The following ARHGAP31 variants were observed in gnomAD, a reference collection of about 807,000 sequenced individuals.
ARHGAP31 encodes Rho GTPase activating protein 31.
Under a neutral mutation model 113.9 loss-of-function variants are expected in ARHGAP31, and 34 were observed. The observed-to-expected ratio is 0.30, with a 90% confidence interval of 0.23 to 0.40. The LOEUF (loss-of-function observed/expected upper bound fraction) is 0.40. Ranked by LOEUF, ARHGAP31 falls within the 10% of genes least tolerant of loss-of-function variation. The pLI is 1.00. For synonymous variants in ARHGAP31, 650 were observed against 684.8 expected, an observed-to-expected ratio of 0.95 and a Z score of 0.79; for missense variants, 1,548 against 1,767.1, an observed-to-expected ratio of 0.88 and a Z score of 2.22.
chr3:119,301,644 G>T (rs1049441574), intron 1 of ARHGAP31, among the ~76,000 whole-genome samples: 9 of 151,460 alleles, frequency 5.9e-5, no homozygotes, highest in Non-Finnish European at 1.2e-4. Context: ...GATGGGGACT[G>T]TTTTTTTTTA....
chr3:119,333,157 C>T (rs1038265951), intron 1 of ARHGAP31, among the ~76,000 whole-genome samples: 16 of 152,184 alleles, frequency 1.1e-4, no homozygotes, highest in African/African-American at 3.9e-4. Context: ...TGGACCCAAA[C>T]AGCCCAACCC....
intron 1 of ARHGAP31, among the ~76,000 whole-genome samples, chr3:119,308,714 G>A (rs1463634121): frequency 6.6e-6 from 1 of 152,202 alleles, no homozygotes; most frequent in Non-Finnish European, 1.5e-5. Context: ...ATTATGGCAT[G>A]GACATCTTTG....
chr3:119,310,938 A>G (rs1338655020), intron 1 of ARHGAP31, among the ~76,000 whole-genome samples: 1 of 152,226 alleles, frequency 6.6e-6, no homozygotes, highest in African/African-American at 2.4e-5. Flanking sequence ...GGGAAAAGAC[A>G]GCTTTGAAGG....
chr3:119,302,101 T>C (rs573080843), intron 1 of ARHGAP31, among the ~76,000 whole-genome samples: 2 of 152,362 alleles, frequency 1.3e-5, no homozygotes, highest in South Asian at 4.1e-4. Flanking sequence ...TATGGGTCCA[T>C]GTCCTACCCA....
chr3:119,325,871 G>A (rs1009853707), intron 1 of ARHGAP31, among the ~76,000 whole-genome samples: 1 of 152,176 alleles, frequency 6.6e-6, no homozygotes, highest in Non-Finnish European at 1.5e-5. Context: ...AATCTCTGAA[G>A]GTGGAACTAG....
intron 1 of ARHGAP31, among the ~76,000 whole-genome samples, chr3:119,326,058 G>A (rs889356687): frequency 6.6e-6 from 1 of 152,132 alleles, no homozygotes; most frequent in African/African-American, 2.4e-5. Context: ...CGGGCGTGGT[G>A]GTGGGCGCCT....
intron 7 of ARHGAP31, 28 bp from the exon 8 acceptor site, chr3:119,393,439 C>T (rs1303818053): frequency 3.1e-6 from 5 of 1,613,716 alleles, no homozygotes; most frequent in South Asian, 1.1e-5. Flanking sequence ...AGTTAACAAA[C>T]TAACCCCTTA....
intron 1 of ARHGAP31, among the ~76,000 whole-genome samples, chr3:119,336,161 G>A (rs1236514086): frequency 6.6e-6 from 1 of 152,206 alleles, no homozygotes; most frequent in Non-Finnish European, 1.5e-5. Flanking sequence ...GGTGACAAGA[G>A]TGAAACTTGG....
At position 119,294,750 on chromosome 3, in the gene ARHGAP31, C is replaced by G; in HGVS notation, c.-155C>G. 1 of 723,528 alleles carries G rather than the reference C, an allele frequency of 1.4e-6. No individual in the cohort carries two copies. The highest frequency in any genetic ancestry group is 2.2e-5 in the Admixed American group (1 of 46,352). The allele number at this position is 723,528 out of a possible 1,614,324, so 44.8% of individuals were successfully genotyped here. A position where few individuals can be genotyped will look rare whatever the true frequency, so the allele number is the denominator to read the frequency against. ...TCTGCCGGCCCGCGGCCCGCGGGGT[C>G]CATGCGCAGGGCCCCCAGCCCAAGT... On this transcript the variant is annotated 5_prime_UTR_variant, in exon 1 of 12. Coordinates refer to ENST00000264245, the MANE Select transcript of ARHGAP31 (RefSeq NM_020754.4).
chr3:119,365,681 T>C (rs1262068964), intron 2 of ARHGAP31, among the ~76,000 whole-genome samples: 1 of 152,246 alleles, frequency 6.6e-6, no homozygotes, highest in East Asian at 1.9e-4. Context: ...TATTCTTCTT[T>C]GGTGAATTTG....
At chr3:119,340,362 T>C (rs1262458001) in intron 1 of ARHGAP31, among the ~76,000 whole-genome samples, 1 of 152,192 alleles carries the variant, frequency 6.6e-6, no homozygotes. Context: ...CTTGTTCCCT[T>C]CTCGTTTTGT....
intron 1 of ARHGAP31, among the ~76,000 whole-genome samples, chr3:119,313,873 G>A (rs2079705488): frequency 6.6e-6 from 1 of 152,204 alleles, no homozygotes; most frequent in Non-Finnish European, 1.5e-5. Context: ...TATATCTTAA[G>A]GTAGGATCAG....
intron 3 of ARHGAP31, among the ~76,000 whole-genome samples, chr3:119,369,476 G>A (rs1323440994): frequency 6.6e-6 from 1 of 152,232 alleles, no homozygotes; most frequent in Non-Finnish European, 1.5e-5. Flanking sequence ...CGAGGTTACA[G>A]TTTTGGGTAA....
At chr3:119,371,515 T>G (rs2080296644) in intron 3 of ARHGAP31, among the ~76,000 whole-genome samples, 1 of 152,244 alleles carries the variant, frequency 6.6e-6, no homozygotes, top group Non-Finnish European at 1.5e-5. Flanking sequence ...GGAGAATGTA[T>G]CATTTAATAG....
intron 8 of ARHGAP31, among the ~76,000 whole-genome samples, chr3:119,398,339 G>T (rs2080569516): frequency 6.6e-6 from 1 of 152,156 alleles, no homozygotes; most frequent in African/African-American, 2.4e-5. Flanking sequence ...CAGCCCAAAA[G>T]CGGCAGAGCT....
chr3:119,308,960 C>T (rs1453629544), intron 1 of ARHGAP31, among the ~76,000 whole-genome samples: 2 of 152,054 alleles, frequency 1.3e-5, no homozygotes, highest in Non-Finnish European at 2.9e-5. Context: ...CCCGCCTCAT[C>T]CCCCCTAAGA....
intron 1 of ARHGAP31, among the ~76,000 whole-genome samples, chr3:119,333,844 A>G (rs2079917920): frequency 6.6e-6 from 1 of 152,208 alleles, no homozygotes; most frequent in Non-Finnish European, 1.5e-5. Context: ...TATGACTGCT[A>G]CTTTGTGAGA....
intron 2 of ARHGAP31, among the ~76,000 whole-genome samples, chr3:119,367,809 A>T (rs1420244775): frequency 6.8e-6 from 1 of 147,638 alleles, no homozygotes; most frequent in African/African-American, 2.5e-5. Flanking sequence ...GTGAGCCAAG[A>T]TTGTGCTGCT....
At chr3:119,323,342 C>T (rs1371903193) in intron 1 of ARHGAP31, among the ~76,000 whole-genome samples, 1 of 152,168 alleles carries the variant, frequency 6.6e-6, no homozygotes, top group African/African-American at 2.4e-5. Flanking sequence ...CCGCCCAGCA[C>T]CTCGGGCCCG....
Sources: gnomAD v4.1 joint callset for allele counts (sites outside exome capture counted in the v4.1 genomes callset) on GRCh38, gnomAD v4.1.1 for gene constraint, MANE v1.5 for transcripts, NCBI Gene and HGNC (gene_info 2026-07-23, HGNC 2026-07-21) for gene names.